Variants in SYNE1 observed in about 807,000 individuals in gnomAD.
SYNE1 encodes the protein nesprin-1.
A neutral mutation model predicts 1,111.0 loss-of-function variants in SYNE1; 616 were observed. The observed-to-expected ratio is 0.55, with a 90% CI of 0.52 to 0.59. The LOEUF (loss-of-function observed/expected upper bound fraction) is 0.59, where lower values mean the gene tolerates loss of function less well. SYNE1 is among the 20% of genes least tolerant of loss of function. SYNE1 has a pLI of 0.00. For missense variants in SYNE1, 10,006 were observed against 10,417.0 expected (o/e 0.96, Z 1.72); for synonymous variants, 3,855 against 3,825.8 (o/e 1.01, Z -0.28).
Position 152,317,002 on chromosome 6 carries a change from C to T in SYNE1, c.16573-16G>A, listed in dbSNP as rs1040222890. On this transcript the variant is annotated splice_polypyrimidine_tract_variant and intron_variant, in intron 86 of 145. Transcript: ENST00000367255. The stretch of plus-strand genomic sequence containing the variant: ...GTGATGCTGCCTGAAAAACCAGTAA[C>T]ATTAATGTAACAAATGTAAACTCCT... The T allele has an allele frequency of 6.2e-7, 1 of 1,613,404 alleles. No individual in the cohort carries two copies.
chr6:152,439,112 C>T (rs181783497), intron 32 of SYNE1, among the ~76,000 whole-genome samples: 47 of 152,254 alleles, frequency 3.1e-4, no homozygotes, highest in Admixed American at 2.0e-3. Flanking sequence ...ATAATTAATT[C>T]GGCATATTAT....
chr6:152,215,612 C>G (rs922852408), intron 121 of SYNE1, among the ~76,000 whole-genome samples: 1 of 152,156 alleles, frequency 6.6e-6, no homozygotes, highest in Non-Finnish European at 1.5e-5. Context: ...TAATTTCCTC[C>G]TTTATTATTC....
Position 152,331,221 on chromosome 6 carries a change from A to G in SYNE1, c.13464T>C (p.Asp4488=), listed in dbSNP as rs1459542514. 7 of 1,613,944 alleles carry G rather than the reference A, an allele frequency of 4.3e-6. No homozygotes were observed. In the East Asian group the frequency reaches 1.6e-4, roughly 36 times the overall value. The change falls in exon 78 of 146, where the codon GAT becomes GAC. Residue 4488 remains aspartate (D), a synonymous_variant. Transcript: ENST00000367255. The part of the protein sequence containing the change: ...FREHICLLPD[D]VSKQVKTCKS... ...TACATGTTTTGACTTGTTTGCTCAC[A>G]TCATCTGGTAACAGACAGATGTGTT... is the stretch of plus-strand genomic sequence containing the variant.
intron 4 of SYNE1, among the ~76,000 whole-genome samples, chr6:152,530,837 A>G (rs976102731): frequency 1.5e-4 from 23 of 151,936 alleles, no homozygotes; most frequent in African/African-American, 5.5e-4. Context: ...GTTAGCCAGG[A>G]TGGTCTCGAT....
chr6:152,197,563 A>T (rs73003229), intron 127 of SYNE1, among the ~76,000 whole-genome samples: 1 of 152,376 alleles, frequency 6.6e-6, no homozygotes, highest in Non-Finnish European at 1.5e-5. Context: ...GCTAGAAGGC[A>T]TGAAGACAAC....
At chr6:152,311,705 CAGTT>C (rs1360304914) in intron 87 of SYNE1, among the ~76,000 whole-genome samples, 5 of 151,978 alleles carry the variant, frequency 3.3e-5, no homozygotes, top group African/African-American at 9.7e-5. Context: ...CTAGAACACA[CAGTT>C]AGTGGGGTGT....
At chr6:152,305,417 C>T (rs111392062) in intron 91 of SYNE1, among the ~76,000 whole-genome samples, 168 of 152,176 alleles carry the variant, frequency 1.1e-3, no homozygotes, top group African/African-American at 3.9e-3. Flanking sequence ...AGACACCCGT[C>T]ACCACCCAGG....
rs201636444 is a variant in SYNE1, at chr6:152,293,578, C to A, written c.18012+10G>T. On this transcript the variant is annotated intron_variant, in intron 95 of 145. Coordinates refer to ENST00000367255, the MANE Select transcript of SYNE1 (RefSeq NM_182961.4). ...ATCAAGTAGGAAACTGAAGTCATGGCTATTTGTACCTGATGTTCAGCCATC... is the reference window on the plus strand; with the variant it reads ...ATCAAGTAGGAAACTGAAGTCATGGATATTTGTACCTGATGTTCAGCCATC... 21 of 1,613,938 alleles carry A rather than the reference C, an allele frequency of 1.3e-5. No individual in the cohort carries two copies. In the African/African-American group the frequency reaches 2.8e-4, roughly 22 times the overall value.
intron 130 of SYNE1, among the ~76,000 whole-genome samples, chr6:152,166,591 C>A (rs768361612): frequency 6.6e-6 from 1 of 152,086 alleles, no homozygotes; most frequent in Non-Finnish European, 1.5e-5. Flanking sequence ...TTTGTAATAT[C>A]GAATGAGTTC....
intron 95 of SYNE1, among the ~76,000 whole-genome samples, chr6:152,291,360 A>G (rs1323666725): frequency 2.0e-5 from 3 of 151,530 alleles, no homozygotes; most frequent in East Asian, 3.9e-4. Flanking sequence ...AATTAGCTGT[A>G]CCTCCTTACT....
At chr6:152,593,225 T>C (rs943757627) in intron 3 of SYNE1, among the ~76,000 whole-genome samples, 4 of 152,126 alleles carry the variant, frequency 2.6e-5, no homozygotes, top group South Asian at 2.1e-4. Flanking sequence ...CAAGAATCTA[T>C]TGATAGCATT....
At chr6:152,423,292 A>C (rs1392513748) in intron 39 of SYNE1, among the ~76,000 whole-genome samples, 1 of 152,224 alleles carries the variant, frequency 6.6e-6, no homozygotes, top group Non-Finnish European at 1.5e-5. Context: ...TGTATGTCAA[A>C]TGTATGGAGT....
intron 24 of SYNE1, among the ~76,000 whole-genome samples, chr6:152,455,104 A>C (rs1317552265): frequency 6.6e-6 from 1 of 152,174 alleles, no homozygotes; most frequent in Non-Finnish European, 1.5e-5. Context: ...AGTCACCTCG[A>C]GTTATCTGTT....
rs1452755990 is a variant in SYNE1, at chr6:152,201,876, T to A, written c.23093A>T (p.Gln7698Leu). 1 of 1,613,856 alleles carries A rather than the reference T, an allele frequency of 6.2e-7. No homozygotes were observed. Among genetic ancestry groups the A allele is most frequent in the Admixed American group, 1.7e-5 (1 of 59,986 alleles). The stretch of plus-strand genomic sequence containing the variant: ...CTCTTCATGGTGATCCGGGAGAGAC[T>A]GCGAAAGCTTCTTTTTGAAAGTTCG... ...KLRTFKKKLS[Q>L]SLPDHHEELH... The change falls in exon 127 of 146, where the codon CAG (glutamine) becomes CTG (leucine). Residue 7698 changes from glutamine to leucine, a missense_variant. By Grantham distance (113) the Gln-to-Leu change is moderately radical. This residue lies in a region of SYNE1 where 2,182 missense variants were observed against 2,287.8 expected (regional missense o/e 0.95). Transcript: ENST00000367255.
At position 152,330,105 on chromosome 6, in the gene SYNE1, G is replaced by A; in HGVS notation, c.14580C>T (p.Ser4860=). The stretch of plus-strand genomic sequence containing the variant: ...TCAACAGTTTTAACTCCCCTTGCCA[G>A]GACTGGATCTGATGCCTGGCTTTCT... ...AYEKARHQIQ[S]WQGELKLLTS... The change falls in exon 78 of 146, where the codon TCC becomes TCT. Residue 4860 remains serine (S), a synonymous_variant. Coordinates refer to ENST00000367255, the MANE Select transcript of SYNE1 (RefSeq NM_182961.4). 1 of 1,614,182 alleles carries A rather than the reference G, an allele frequency of 6.2e-7. No homozygotes were observed. Among genetic ancestry groups the A allele is most frequent in the South Asian group, 1.1e-5 (1 of 91,084 alleles).
intron 3 of SYNE1, among the ~76,000 whole-genome samples, chr6:152,600,017 A>G (rs1044571160): frequency 6.6e-6 from 1 of 152,234 alleles, no homozygotes; most frequent in Non-Finnish European, 1.5e-5. Context: ...GATTCAGTAA[A>G]TTCTATAAAA....
At chr6:152,518,305 C>T (rs2099122539) in intron 6 of SYNE1, among the ~76,000 whole-genome samples, 1 of 151,430 alleles carries the variant, frequency 6.6e-6, no homozygotes, top group African/African-American at 2.4e-5. Context: ...TGAAAGTGAA[C>T]CCTGGTGGGA....
intron 4 of SYNE1, among the ~76,000 whole-genome samples, chr6:152,536,833 T>C (rs986236026): frequency 6.6e-6 from 1 of 152,104 alleles, no homozygotes; most frequent in African/African-American, 2.4e-5. Context: ...CCATTTAAGC[T>C]TAGAACTCTA....
At chr6:152,488,638 T>A (rs9371254) in intron 11 of SYNE1, 135 bp from the exon 12 acceptor site, 1 of 591,494 alleles carries the variant, frequency 1.7e-6, no homozygotes, top group Non-Finnish European at 3.0e-6. Context: ...CCTTTCTCCT[T>A]ACCCCCACCT....
Sources: allele counts gnomAD v4.1 joint callset (sites outside exome capture counted in the v4.1 genomes callset), GRCh38; gene constraint gnomAD v4.1.1; regional missense constraint gnomAD v4.1.1; transcripts MANE v1.5; gene names NCBI Gene and HGNC (gene_info 2026-07-23, HGNC 2026-07-21).